STPG2: variants seen among roughly 807,000 people sequenced by gnomAD.
The protein encoded by STPG2 is sperm tail PG-rich repeat containing 2.
Under a neutral mutation model 54.2 loss-of-function variants are expected in STPG2, and 56 were observed. That is an observed-to-expected ratio of 1.03 (90% confidence interval 0.83 to 1.29). STPG2 has a LOEUF of 1.29. Ranked by LOEUF, STPG2 falls within the 50% of genes most tolerant of loss-of-function variation. The pLI is 0.00. For missense variants in STPG2, 596 were observed against 544.9 expected, an observed-to-expected ratio of 1.09 and a Z score of -0.93; for synonymous variants, 200 against 181.8, an observed-to-expected ratio of 1.10 and a Z score of -0.81.
chr4:97,985,516 T>C (rs1188629341), intron 5 of STPG2, among the ~76,000 whole-genome samples: 1 of 152,236 alleles, frequency 6.6e-6, no homozygotes, highest in African/African-American at 2.4e-5. Context: ...AAAATAAGCA[T>C]CTCAGAAATG....
At chr4:97,818,043 A>G (rs914020773) in intron 9 of STPG2, among the ~76,000 whole-genome samples, 1 of 151,842 alleles carries the variant, frequency 6.6e-6, no homozygotes, top group Non-Finnish European at 1.5e-5. Flanking sequence ...TGAGAGTCCA[A>G]AGGCCTCTTT....
chr4:97,579,091 A>G (rs1053318502), intron 10 of STPG2, among the ~76,000 whole-genome samples: 1 of 152,156 alleles, frequency 6.6e-6, no homozygotes, highest in Admixed American at 6.6e-5. Flanking sequence ...TTTAAATTGC[A>G]AGTGACTTTT....
At position 97,620,981 on chromosome 4, in the gene STPG2, T is replaced by C. The variant is rs192492878; in HGVS notation, c.1321-61864A>G. ...AAAATGGAAATCAATAGTAAGAAAATTGCTCAAAACTATATAATTACATGG... is the reference window on the plus strand; with the variant it reads ...AAAATGGAAATCAATAGTAAGAAAACTGCTCAAAACTATATAATTACATGG... On this transcript the variant is annotated intron_variant, in intron 10 of 10. Coordinates refer to ENST00000295268, the MANE Select transcript of STPG2 (RefSeq NM_174952.3). Among the ~76,000 whole-genome samples, 23 of 152,000 alleles carry C rather than the reference T, an allele frequency of 1.5e-4. No homozygotes were observed. In the East Asian group the frequency reaches 3.7e-3, roughly 24 times the overall value.
At position 97,563,579 on chromosome 4, in the gene STPG2, G is replaced by A. The variant is rs968105208; in HGVS notation, c.1321-4462C>T. 4.3e-4 allele frequency among the ~76,000 whole-genome samples: 65 copies of A among 152,134 alleles called. 1 individual carries two copies. The highest frequency in any genetic ancestry group is 2.1e-4 in the Non-Finnish European group (14 of 68,026). ...CTGCTTTCTCTTGTGGGCATTTAGT[G>A]CTATAAATTTCCCTCTACACACTAT... On this transcript the variant is annotated intron_variant, in intron 10 of 10. Transcript: ENST00000295268.
chr4:97,829,206 A>G (rs1728361103), intron 9 of STPG2, among the ~76,000 whole-genome samples: 2 of 152,150 alleles, frequency 1.3e-5, no homozygotes, highest in South Asian at 2.1e-4. Context: ...CTGTTCTGCC[A>G]TCTCCATTGG....
At chr4:97,786,765 A>G (rs551011206) in intron 9 of STPG2, among the ~76,000 whole-genome samples, 2 of 152,130 alleles carry the variant, frequency 1.3e-5, no homozygotes, top group African/African-American at 4.8e-5. Context: ...TCTTTGTCCA[A>G]TGCATTCATG....
At chr4:97,575,085 C>T (rs187523912) in intron 10 of STPG2, among the ~76,000 whole-genome samples, 235 of 151,664 alleles carry the variant, frequency 1.5e-3, no homozygotes, top group African/African-American at 5.5e-3. Context: ...GATTGAATCA[C>T]GAAGAAATCA....
intron 10 of STPG2, among the ~76,000 whole-genome samples, chr4:97,702,731 T>A (rs1723813949): frequency 1.3e-5 from 2 of 152,244 alleles, no homozygotes; most frequent in Non-Finnish European, 2.9e-5. Context: ...AAGCTCAGTG[T>A]CCCCAGCTTC....
chr4:97,479,559 A>T (rs1730167749), intron 4 of STPG2, among the ~76,000 whole-genome samples: 1 of 151,934 alleles, frequency 6.6e-6, no homozygotes, highest in African/African-American at 2.4e-5. Context: ...ACTGGATTGC[A>T]CAATAGAAAT....
chr4:98,032,372 T>C (rs906471670), intron 5 of STPG2, among the ~76,000 whole-genome samples: 4 of 152,208 alleles, frequency 2.6e-5, no homozygotes, highest in South Asian at 2.1e-4. Flanking sequence ...AACTTACTCA[T>C]GTAACCAAAC....
chr4:97,610,185 C>A (rs1055164073), intron 10 of STPG2, among the ~76,000 whole-genome samples: 4 of 151,904 alleles, frequency 2.6e-5, no homozygotes, highest in Non-Finnish European at 4.4e-5. Flanking sequence ...GGATGAGTGG[C>A]CAGGCATCTG....
At chr4:97,902,223 C>A (rs1731204795) in intron 8 of STPG2, among the ~76,000 whole-genome samples, 2 of 152,028 alleles carry the variant, frequency 1.3e-5, no homozygotes, top group African/African-American at 4.8e-5. Context: ...AGGGGGAAAG[C>A]TCTATGACAC....
At chr4:97,683,261 G>A (rs1723085564) in intron 10 of STPG2, among the ~76,000 whole-genome samples, 1 of 151,730 alleles carries the variant, frequency 6.6e-6, no homozygotes, top group African/African-American at 2.4e-5. Context: ...ACAAAAGGAA[G>A]CTATTCAACA....
intron 9 of STPG2, among the ~76,000 whole-genome samples, chr4:97,740,900 C>T (rs1167906854): frequency 3.3e-5 from 5 of 152,114 alleles, no homozygotes; most frequent in Non-Finnish European, 4.4e-5. Flanking sequence ...GAGCCCGCAT[C>T]GCCAAGTCAA....
At chr4:97,586,912 C>T (rs1269456973) in intron 10 of STPG2, among the ~76,000 whole-genome samples, 1 of 151,888 alleles carries the variant, frequency 6.6e-6, no homozygotes, top group East Asian at 1.9e-4. Flanking sequence ...TATGGATACA[C>T]TCAATAGACT....
chr4:98,073,681 C>T (rs1373095045), intron 5 of STPG2, among the ~76,000 whole-genome samples: 1 of 152,104 alleles, frequency 6.6e-6, no homozygotes, highest in Non-Finnish European at 1.5e-5. Context: ...GAGCCAAGAT[C>T]GTGCCATTGC....
intron 9 of STPG2, among the ~76,000 whole-genome samples, chr4:97,744,188 G>A (rs1406624257): frequency 6.6e-6 from 1 of 151,262 alleles, no homozygotes; most frequent in Non-Finnish European, 1.5e-5. Flanking sequence ...TTTCCCAGAT[G>A]ACAATATTCT....
At chr4:97,768,121 C>T (rs1381355797) in intron 9 of STPG2, among the ~76,000 whole-genome samples, 1 of 150,652 alleles carries the variant, frequency 6.6e-6, no homozygotes, top group Non-Finnish European at 1.5e-5. Flanking sequence ...GAGCCGAGAT[C>T]ACGCCACTGC....
At chr4:97,726,460 A>G (rs941609487) in intron 9 of STPG2, among the ~76,000 whole-genome samples, 29 of 151,984 alleles carry the variant, frequency 1.9e-4, no homozygotes, top group African/African-American at 7.0e-4. Flanking sequence ...ATTTTGCTAC[A>G]GTTTTTAAAA....
Sources: allele counts gnomAD v4.1 joint callset (sites outside exome capture counted in the v4.1 genomes callset), GRCh38; gene constraint gnomAD v4.1.1; transcripts MANE v1.5; gene names NCBI Gene and HGNC (gene_info 2026-07-23, HGNC 2026-07-21).